NRXN1: variants seen among roughly 807,000 people sequenced by gnomAD.
NRXN1 encodes neurexin 1.
NRXN1 carries 39 observed loss-of-function variants against 150.9 expected under a neutral mutation model. The observed-to-expected ratio is 0.26, with a 90% CI of 0.20 to 0.34. NRXN1 has a LOEUF of 0.34. NRXN1 is among the 10% of genes least tolerant of loss of function. The pLI is 1.00. For missense variants in NRXN1, 1,815 were observed against 1,949.9 expected (o/e 0.93, Z 1.30); for synonymous variants, 924 against 757.0 (o/e 1.22, Z -3.62).
At chr2:50,862,460 T>G (rs1019925841) in intron 5 of NRXN1, among the ~76,000 whole-genome samples, 2 of 152,050 alleles carry the variant, frequency 1.3e-5, no homozygotes, top group Non-Finnish European at 2.9e-5. Context: ...TCATTTAACT[T>G]GGTACATGGA....
At chr2:50,410,873 A>C (rs1048350974) in intron 17 of NRXN1, among the ~76,000 whole-genome samples, 1 of 152,200 alleles carries the variant, frequency 6.6e-6, no homozygotes, top group Non-Finnish European at 1.5e-5. Flanking sequence ...TCAAAAGAGA[A>C]GGAGGCAAGT....
intron 16 of NRXN1, among the ~76,000 whole-genome samples, chr2:50,467,644 C>T (rs1023870933): frequency 6.6e-6 from 1 of 151,144 alleles, no homozygotes; most frequent in Non-Finnish European, 1.5e-5. Flanking sequence ...TATTGTAAAT[C>T]TTAATTCTGT....
At chr2:49,968,490 A>C (rs531672222) in intron 21 of NRXN1, among the ~76,000 whole-genome samples, 2 of 151,996 alleles carry the variant, frequency 1.3e-5, no homozygotes, top group African/African-American at 4.8e-5. Context: ...AACCCCCTTG[A>C]CTGATTTTGA....
chr2:50,989,622 G>A (rs1289445812), intron 2 of NRXN1, among the ~76,000 whole-genome samples: 1 of 151,940 alleles, frequency 6.6e-6, no homozygotes, highest in Non-Finnish European at 1.5e-5. Context: ...GTTGTTGCCT[G>A]TATTCGTATT....
chr2:50,585,173 C>T (rs1461120985), intron 8 of NRXN1, among the ~76,000 whole-genome samples: 1 of 152,090 alleles, frequency 6.6e-6, no homozygotes, highest in Non-Finnish European at 1.5e-5. Flanking sequence ...GCTTAGTAAC[C>T]GCAAAACGTT....
intron 5 of NRXN1, among the ~76,000 whole-genome samples, chr2:50,638,620 C>A (rs181250962): frequency 6.6e-6 from 1 of 152,104 alleles, no homozygotes; most frequent in African/African-American, 2.4e-5. Flanking sequence ...ATGGATAGGA[C>A]GCATTCCACA....
At chr2:50,101,324 AG>A (rs1700952430) in intron 18 of NRXN1, among the ~76,000 whole-genome samples, 1 of 152,162 alleles carries the variant, frequency 6.6e-6, no homozygotes, top group African/African-American at 2.4e-5. Context: ...GGAACTGAAC[AG>A]GAAAGGGGCA....
intron 19 of NRXN1, among the ~76,000 whole-genome samples, chr2:50,073,727 G>A (rs576704803): frequency 2.6e-5 from 4 of 152,094 alleles, no homozygotes; most frequent in African/African-American, 9.6e-5. Flanking sequence ...TTCTAGTTTA[G>A]GTAGGAAAAT....
At chr2:50,273,789 T>G (rs539190923) in intron 17 of NRXN1, among the ~76,000 whole-genome samples, 1 of 152,182 alleles carries the variant, frequency 6.6e-6, no homozygotes, top group African/African-American at 2.4e-5. Context: ...TCATCATCAC[T>G]GCTTATTAGA....
chr2:50,797,496 C>T (rs924085222), intron 5 of NRXN1, among the ~76,000 whole-genome samples: 12 of 152,074 alleles, frequency 7.9e-5, no homozygotes, highest in African/African-American at 2.9e-4. Flanking sequence ...AACAAAAAAT[C>T]ATCCAGCCCA....
At chr2:50,669,753 A>C (rs958315356) in intron 5 of NRXN1, among the ~76,000 whole-genome samples, 2 of 151,664 alleles carry the variant, frequency 1.3e-5, no homozygotes, top group Non-Finnish European at 2.9e-5. Context: ...TCTGAGACAA[A>C]AATTGTGATT....
At chr2:50,900,487 A>G in intron 5 of NRXN1, among the ~76,000 whole-genome samples, 1 of 152,128 alleles carries the variant, frequency 6.6e-6, no homozygotes, top group East Asian at 1.9e-4. Flanking sequence ...AAACCCTCTC[A>G]CTTGGGTAAA....
intron 2 of NRXN1, among the ~76,000 whole-genome samples, chr2:50,993,136 C>T (rs1698780164): frequency 6.6e-6 from 1 of 151,664 alleles, no homozygotes; most frequent in Non-Finnish European, 1.5e-5. Flanking sequence ...TTCTATTACA[C>T]GAGAGAAAGG....
intron 5 of NRXN1, among the ~76,000 whole-genome samples, chr2:50,686,175 T>G (rs575641795): frequency 6.6e-6 from 1 of 152,218 alleles, no homozygotes; most frequent in South Asian, 2.1e-4. Flanking sequence ...AAACTAGAGT[T>G]TTCTTTTTTT....
At position 50,737,553 on chromosome 2, in the gene NRXN1, G is replaced by A. The variant is rs532874817; in HGVS notation, c.833-113938C>T. On this transcript the variant is annotated intron_variant, in intron 5 of 22. Coordinates refer to ENST00000401669, the MANE Select transcript of NRXN1 (RefSeq NM_001330078.2). ...AGGTTGTAGTCATTTCAAAGTCCGTGACCTCTATGCTGCATAGCATTAGTA... is the reference window on the plus strand; with the variant it reads ...AGGTTGTAGTCATTTCAAAGTCCGTAACCTCTATGCTGCATAGCATTAGTA... Among the ~76,000 whole-genome samples, 3 of 152,244 alleles carry A rather than the reference G, an allele frequency of 2.0e-5. No homozygotes were observed. The South Asian group carries it at 6.2e-4, about 32-fold the overall frequency.
intron 5 of NRXN1, among the ~76,000 whole-genome samples, chr2:50,711,059 C>T (rs911955192): frequency 7.2e-5 from 11 of 152,128 alleles, no homozygotes; most frequent in African/African-American, 2.7e-4. Context: ...ATAGAAACTT[C>T]TGTGTACTTA....
intron 8 of NRXN1, among the ~76,000 whole-genome samples, chr2:50,607,551 A>C (rs1439858796): frequency 6.6e-6 from 1 of 152,170 alleles, no homozygotes. Flanking sequence ...TAAATACATA[A>C]GTTAGCAAAT....
Position 50,105,567 on chromosome 2 carries a change from T to C in NRXN1, c.3547-14073A>G, listed in dbSNP as rs182794693. Among the ~76,000 whole-genome samples, 502 of 152,122 alleles carry C rather than the reference T, an allele frequency of 3.3e-3. 2 individuals carry two copies. The highest frequency in any genetic ancestry group is 5.4e-3 in the Non-Finnish European group (370 of 67,950). On this transcript the variant is annotated intron_variant, in intron 18 of 22. Transcript: ENST00000401669. ...TCATTGCTTGCTATTTTGAAAGATGTGCCTCAAGCTTCCAATCAAATCCAA... is the reference window on the plus strand; with the variant it reads ...TCATTGCTTGCTATTTTGAAAGATGCGCCTCAAGCTTCCAATCAAATCCAA...
chr2:50,458,392 G>C (rs1459129566), intron 17 of NRXN1, among the ~76,000 whole-genome samples: 2 of 152,084 alleles, frequency 1.3e-5, no homozygotes, highest in African/African-American at 2.4e-5. Flanking sequence ...GGCAAATACA[G>C]TTAACAATAT....
Sources: allele counts gnomAD v4.1 joint callset (sites outside exome capture counted in the v4.1 genomes callset), GRCh38; gene constraint gnomAD v4.1.1; transcripts MANE v1.5; gene names NCBI Gene and HGNC (gene_info 2026-07-23, HGNC 2026-07-21).